Variants in USP33 observed in about 807,000 individuals in gnomAD.
USP33 encodes the protein ubiquitin carboxyl-terminal hydrolase 33.
Under a neutral mutation model 124.2 loss-of-function variants are expected in USP33, and 46 were observed. The ratio of observed to expected loss-of-function variants is 0.37; its 90% CI spans 0.29 to 0.47. The LOEUF (loss-of-function observed/expected upper bound fraction) is 0.47. USP33 is among the 20% of genes least tolerant of loss of function. USP33 has a pLI of 0.99. For synonymous variants in USP33, 350 were observed against 352.3 expected, an observed-to-expected ratio of 0.99 and a Z score of 0.07; for missense variants, 851 against 1,070.6, an observed-to-expected ratio of 0.79 and a Z score of 2.86.
At chr1:77,739,544 T>A in intron 4 of USP33, 127 bp from the exon 5 acceptor site, 5 of 883,296 alleles carry the variant, frequency 5.7e-6, no homozygotes, top group Non-Finnish European at 7.9e-6. Context: ...AAAAGCTAAT[T>A]TAGAACATGA....
intron 14 of USP33, 54 bp from the exon 15 acceptor site, chr1:77,721,259 T>C: frequency 3.8e-6 from 6 of 1,597,292 alleles, no homozygotes; most frequent in Non-Finnish European, 5.1e-6. Context: ...AATTGCTTAT[T>C]ATGGTCCTGT....
chr1:77,741,765 A>G lies in USP33; in HGVS notation c.-51-17T>C. Reference sequence around the variant, plus strand: ...AGGTAACACCTATAAGAAAAGTAACACACACAAAAAAATTAATAAATGCTT... The same window carrying G: ...AGGTAACACCTATAAGAAAAGTAACGCACACAAAAAAATTAATAAATGCTT... On this transcript the variant is annotated splice_polypyrimidine_tract_variant and intron_variant, in intron 1 of 23. Coordinates refer to ENST00000370794, the MANE Select transcript of USP33 (RefSeq NM_201624.3). 2 of 1,541,390 alleles carry G rather than the reference A, an allele frequency of 1.3e-6. No individual in the cohort carries two copies. The highest frequency in any genetic ancestry group is 1.7e-6 in the Non-Finnish European group (2 of 1,149,352).
intron 15 of USP33, 47 bp from the exon 16 acceptor site, chr1:77,718,688 T>TTTTACTA: frequency 6.9e-7 from 1 of 1,444,186 alleles, no homozygotes; most frequent in Non-Finnish European, 9.6e-7. Context: ...AAAAACTTAG[T>TTTTACTA]ATATTTAAAT....
intron 5 of USP33, among the ~76,000 whole-genome samples, chr1:77,737,686 G>C (rs1194877664): frequency 6.6e-6 from 1 of 152,116 alleles, no homozygotes; most frequent in Non-Finnish European, 1.5e-5. Context: ...CAAGTCATCA[G>C]AAAATTATTA....
In USP33 at chr1:77,726,219, G is replaced by A. The variant is rs576243437; in HGVS notation, c.1136-457C>T. ...CCCACTTTGGCCTCCCAAAGTGTTG[G>A]GATTATAGGCATGAACCACCGTGCC... is the stretch of plus-strand genomic sequence containing the variant. On this transcript the variant is annotated intron_variant, in intron 10 of 23. Transcript: ENST00000370794. 1.6e-3 allele frequency among the ~76,000 whole-genome samples: 240 copies of A among 152,022 alleles called. 2 individuals carry two copies. The highest frequency in any genetic ancestry group is 4.7e-4 in the Non-Finnish European group (32 of 67,982).
At chr1:77,717,721 G>A (rs1282154873) in intron 17 of USP33, 146 bp downstream of exon 17, 1 of 535,402 alleles carries the variant, frequency 1.9e-6, no homozygotes, top group Admixed American at 4.1e-5. Context: ...TGCTGCCCAA[G>A]CTGGTCTCAA....
At chr1:77,742,280 G>A (rs903528260) in intron 1 of USP33, among the ~76,000 whole-genome samples, 2 of 151,966 alleles carry the variant, frequency 1.3e-5, no homozygotes, top group Admixed American at 6.6e-5. Context: ...AGGGTTTCTC[G>A]ATCCCGGCAC....
At chr1:77,759,375 C>G (rs1216135245) in intron 1 of USP33, 1 of 386,292 alleles carries the variant, frequency 2.6e-6, no homozygotes, top group Non-Finnish European at 4.6e-6. Context: ...AGGGAAGAAC[C>G]CCTGAGGACC....
In USP33 at chr1:77,702,166, AAAAAAAAAAAAC is replaced by A. The variant is rs1171059027; in HGVS notation, c.2407-707_2407-696del. Among the ~76,000 whole-genome samples the A allele has an allele frequency of 8.5e-3, 1,074 of 126,336 alleles. 48 individuals carry two copies. Among genetic ancestry groups the A allele is most frequent in the Non-Finnish European group, 0.016 (851 of 53,074 alleles). 82.9% of individuals were successfully genotyped at this position (126,336 alleles called of 152,430 possible). ...CAAAAAAAAAAAAAAAAAAAAAAAA[AAAAAAAAAAAAC>A]CAGTGGTACAGTAAGATGTATGCTA... On this transcript the variant is annotated intron_variant, in intron 21 of 23. Coordinates refer to ENST00000370794, the MANE Select transcript of USP33 (RefSeq NM_201624.3).
rs1323244576 is a variant in USP33, at chr1:77,741,448, A to G, written c.82-19T>C. 6.3e-7 allele frequency: 1 copy of G among 1,598,696 alleles called. No individual in the cohort carries two copies. Among genetic ancestry groups the G allele is most frequent in the Admixed American group, 1.8e-5 (1 of 55,464 alleles). On this transcript the variant is annotated intron_variant, in intron 2 of 23. Transcript: ENST00000370794. ...AAGTACCCTATAAAAAGAAATTAAA[A>G]AGACAACATTGGTTATATTGACACA...
In USP33 at chr1:77,725,679, C is replaced by T. The variant is rs867613080; in HGVS notation, c.1219G>A (p.Ala407Thr). 6.2e-7 allele frequency: 1 copy of T among 1,613,940 alleles called. No individual in the cohort carries two copies. The highest frequency in any genetic ancestry group is 1.3e-5 in the African/African-American group (1 of 74,882). The change falls in exon 11 of 24, where the codon GCA becomes ACA. Residue 407 changes from alanine (A) to threonine (T), a missense_variant. Physicochemically the swap from Ala to Thr is moderately conservative, Grantham distance 58. Coordinates refer to ENST00000370794, the MANE Select transcript of USP33 (RefSeq NM_201624.3). The part of the protein sequence containing the change: ...SNEGVNPRLS[A>T]SPPKSGNLWP... ...AAATTGCCTGATTTAGGAGGGCTTG[C>T]CGATAAACGTGGATTAACACCTTCA...
At chr1:77,750,060 G>A (rs114218366) in intron 1 of USP33, among the ~76,000 whole-genome samples, 3,779 of 152,266 alleles carry the variant, frequency 0.025, 120 homozygotes, top group African/African-American at 0.087. Context: ...TGCGATGACT[G>A]TAATTCCAGA....
rs143778703 is a variant in USP33, at chr1:77,728,615, G to A, written c.815C>T (p.Thr272Ile). 4.7e-4 allele frequency: 760 copies of A among 1,614,084 alleles called. 3 individuals are homozygous for A. In the East Asian group the frequency reaches 0.013, roughly 28 times the overall value. Residue 272 changes from threonine (T) to isoleucine (I), a missense_variant, in exon 10 of 24, where the codon ACT becomes ATT. Physicochemically the swap from Thr to Ile is moderately conservative, Grantham distance 89. Coordinates refer to ENST00000370794, the MANE Select transcript of USP33 (RefSeq NM_201624.3). Reference protein sequence around the residue: ...EVEEDPQTITTEETMEEDKSQ... With the variant: ...EVEEDPQTITIEETMEEDKSQ... The stretch of plus-strand genomic sequence containing the variant: ...CTTGTCTTCTTCCATTGTCTCCTCA[G>A]TGGTTATGGTTTGCGGATCTTCTTC...
rs141791641 is a variant in USP33 at position 77,701,437 on chromosome 1, G to C, written c.2441C>G (p.Ala814Gly). 26 of 1,612,884 alleles carry C rather than the reference G, an allele frequency of 1.6e-5. No homozygotes were observed. Among genetic ancestry groups the C allele is most frequent in the Non-Finnish European group, 2.0e-5 (24 of 1,179,682 alleles). The change falls in exon 22 of 24, where the codon GCT becomes GGT. Residue 814 changes from alanine (A) to glycine (G), a missense_variant. By Grantham distance (60) the Ala-to-Gly change is moderately conservative. Transcript: ENST00000370794. ...NRAFQKEDSP[A>G]TFYCISMQWF... is the part of the protein sequence containing the mutation. ...CTGCATACTGATGCAATAAAAAGTA[G>C]CTGGAGAGTCCTCTTTTTGGAACGC... is the stretch of plus-strand genomic sequence containing the variant.
In USP33 at chr1:77,736,151, T is replaced by C; in HGVS notation, c.359A>G (p.Lys120Arg). ...QIQENSVQDF[K>R]IPSNTTLKTP... ...TTTTAATGTTGTATTACTGGGTATT[T>C]TAAAATCCTTGATAACAAAAAAAGA... is the stretch of plus-strand genomic sequence containing the variant. Residue 120 changes from lysine (K) to arginine (R), a missense_variant, in exon 6 of 24, where the codon AAA (lysine) becomes AGA (arginine). By Grantham distance (26) the Lys-to-Arg change is conservative (BLOSUM62 2). Transcript: ENST00000370794. 1 of 1,607,050 alleles carries C rather than the reference T, an allele frequency of 6.2e-7. No homozygotes were observed. Among genetic ancestry groups the C allele is most frequent in the Non-Finnish European group, 8.5e-7 (1 of 1,175,938 alleles).
chr1:77,708,601 G>A (rs1329544002), intron 21 of USP33, among the ~76,000 whole-genome samples: 2 of 152,298 alleles, frequency 1.3e-5, no homozygotes, highest in African/African-American at 2.4e-5. Flanking sequence ...TTAAAACTCT[G>A]AAGCAATCTG....
rs1428974934 is a variant in USP33 at position 77,730,046 on chromosome 1, C to CA, written c.639-109dup. On this transcript the variant is annotated intron_variant, in intron 8 of 23. Coordinates refer to ENST00000370794, the MANE Select transcript of USP33 (RefSeq NM_201624.3). ...GTTAAATAAATTGAAAAGTATGTTT[C>CA]AAAAAAATCATTCAAAACTGCCTAA... The CA allele has an allele frequency of 1.9e-5, 20 of 1,034,340 alleles. 1 individual carries two copies. The highest frequency in any genetic ancestry group is 5.3e-5 in the East Asian group (2 of 37,738). The allele number at this position is 1,034,340 out of a possible 1,614,324, so 64.1% of individuals were successfully genotyped here.
At chr1:77,699,024 T>G (rs1430062311) in intron 22 of USP33, among the ~76,000 whole-genome samples, 1 of 151,832 alleles carries the variant, frequency 6.6e-6, no homozygotes, top group Admixed American at 6.6e-5. Context: ...TCATCAAAAG[T>G]TGTAAAAGCA....
intron 21 of USP33, 182 bp downstream of exon 21, chr1:77,711,565 G>T: frequency 1.3e-5 from 11 of 877,610 alleles, no homozygotes; most frequent in Non-Finnish European, 1.3e-5. Flanking sequence ...ACACACAAAG[G>T]GAGAACATAA....
Sources: gnomAD v4.1 joint callset for allele counts (sites outside exome capture counted in the v4.1 genomes callset) on GRCh38, gnomAD v4.1.1 for gene constraint, MANE v1.5 for transcripts, NCBI Gene and HGNC (gene_info 2026-07-23, HGNC 2026-07-21) for gene names.